The following SECISBP2 variants were observed in gnomAD, a reference collection of about 807,000 sequenced individuals.
SECISBP2 encodes the protein selenocysteine insertion sequence-binding protein 2.
A neutral mutation model predicts 98.2 loss-of-function variants in SECISBP2; 96 were observed. That is an observed-to-expected ratio of 0.98 (90% CI 0.83 to 1.16). SECISBP2 has a LOEUF of 1.16. Ranked by LOEUF, SECISBP2 falls within the 50% of genes most tolerant of loss-of-function variation. The probability of loss-of-function intolerance (pLI) is 0.00; values close to 1 mark genes in which losing one functional copy is unlikely to be tolerated. For synonymous variants in SECISBP2, 407 were observed against 370.2 expected (o/e 1.10, Z -1.14); for missense variants, 1,046 against 1,022.9 (o/e 1.02, Z -0.31).
At chr9:89,344,076 G>A (rs1830079355) in intron 10 of SECISBP2, among the ~76,000 whole-genome samples, 1 of 151,822 alleles carries the variant, frequency 6.6e-6, no homozygotes, top group African/African-American at 2.4e-5. Context: ...ATTAAGTGAT[G>A]TTGAGGTTTT....
downstream of SECISBP2, chr9:89,363,421 GC>G (rs763762551): frequency 3.0e-5 from 48 of 1,611,310 alleles, no homozygotes; most frequent in African/African-American, 6.3e-4. Context: ...CCCGGCTGCG[GC>G]CACTTACCCA....
rs1831177407 is a variant in SECISBP2 at position 89,350,871 on chromosome 9, C to T, written c.2113+19C>T. On this transcript the variant is annotated intron_variant, in intron 14 of 16. Coordinates refer to ENST00000375807, the MANE Select transcript of SECISBP2 (RefSeq NM_024077.5). ...TCAAAAGGTAAAGGCACAGTGTGGT[C>T]CTGTGATATGTGGGCCCCTGCATGA... 1.2e-6 allele frequency: 2 copies of T among 1,605,128 alleles called. No individual in the cohort carries two copies. Among genetic ancestry groups the T allele is most frequent in the South Asian group, 2.2e-5 (2 of 90,826 alleles).
At chr9:89,328,610 A>G (rs1289002281) in intron 4 of SECISBP2, 50 bp from the exon 5 acceptor site, 2 of 1,509,216 alleles carry the variant, frequency 1.3e-6, no homozygotes, top group Admixed American at 1.7e-5. Context: ...CATACTGGTC[A>G]TCAAACAGTA....
chr9:89,343,246 A>G lies in SECISBP2; in HGVS notation c.1435+1767A>G, dbSNP rs186571881. On this transcript the variant is annotated intron_variant, in intron 10 of 16. Transcript: ENST00000375807. ...CGCACAATATGTCATAAAAAGCAAC[A>G]TGAAAATTTTCCACCATAGGCTTTT... is the stretch of plus-strand genomic sequence containing the variant. Among the ~76,000 whole-genome samples, 637 of 152,332 alleles carry G rather than the reference A, an allele frequency of 4.2e-3. 3 individuals are homozygous for G. The highest frequency in any genetic ancestry group is 8.0e-3 in the Non-Finnish European group (542 of 68,028).
At chr9:89,334,817 G>A (rs1036404510) in intron 7 of SECISBP2, 87 bp downstream of exon 7, 3 of 999,582 alleles carry the variant, frequency 3.0e-6, no homozygotes, top group Non-Finnish European at 4.7e-6. Flanking sequence ...TTAATGGGTA[G>A]AGAGTTTCAG....
chr9:89,347,832 CAGAATTG>C (rs890196672), intron 11 of SECISBP2, among the ~76,000 whole-genome samples: 13 of 152,104 alleles, frequency 8.5e-5, no homozygotes, highest in African/African-American at 3.1e-4. Flanking sequence ...TGCTGAGCTG[CAGAATTG>C]TCTTTAGAGC....
At chr9:89,344,644 G>A (rs1262868587) in intron 10 of SECISBP2, among the ~76,000 whole-genome samples, 1 of 151,982 alleles carries the variant, frequency 6.6e-6, no homozygotes, top group Non-Finnish European at 1.5e-5. Context: ...GGTGTTAAAT[G>A]TTTTTAGAGT....
chr9:89,354,623 A>T (rs1482001402), intron 14 of SECISBP2, among the ~76,000 whole-genome samples: 1 of 152,188 alleles, frequency 6.6e-6, no homozygotes, highest in South Asian at 2.1e-4. Flanking sequence ...CACACCATAG[A>T]GGCACAGTGA....
chr9:89,362,910 C>T (rs536758266), downstream of SECISBP2, among the ~76,000 whole-genome samples: 1 of 152,278 alleles, frequency 6.6e-6, no homozygotes, highest in African/African-American at 2.4e-5. Context: ...CGTGGGGAGA[C>T]AGGGAGCCTC....
Position 89,325,515 on chromosome 9 carries a change from G to C in SECISBP2, c.271G>C (p.Ala91Pro), listed in dbSNP as rs529644965. 3 of 1,613,776 alleles carry C rather than the reference G, an allele frequency of 1.9e-6. No individual in the cohort carries two copies. Among genetic ancestry groups the C allele is most frequent in the East Asian group, 2.2e-5 (1 of 44,858 alleles). The part of the protein sequence containing the change: ...LSSEITLHPY[A>P]YSPYTLDSTQ... ...TTCTGAGATAACTCTTCATCCATAT[G>C]CCTATTCTCCTTATACCCTTGACTC... The change falls in exon 3 of 17, where the codon GCC becomes CCC. Residue 91 changes from alanine (A) to proline (P), a missense_variant. By Grantham distance (27) the Ala-to-Pro change is conservative. Transcript: ENST00000375807.
intron 16 of SECISBP2, among the ~76,000 whole-genome samples, chr9:89,358,414 G>T (rs184135267): frequency 6.6e-6 from 1 of 152,230 alleles, no homozygotes; most frequent in East Asian, 1.9e-4. Context: ...TTGACAATGG[G>T]TGGCCTTAAG....
At chr9:89,348,946 A>G (rs959178297) in intron 12 of SECISBP2, among the ~76,000 whole-genome samples, 20 of 152,258 alleles carry the variant, frequency 1.3e-4, no homozygotes, top group African/African-American at 4.3e-4. Flanking sequence ...TTGGGTAATT[A>G]GAAACAGGGT....
downstream of SECISBP2, chr9:89,363,327 T>TG: frequency 4.6e-6 from 7 of 1,513,154 alleles, no homozygotes; most frequent in Non-Finnish European, 6.2e-6. Context: ...AGGGAACAAG[T>TG]GGGGTCCATG....
In SECISBP2 at chr9:89,343,915, A is replaced by G. The variant is rs1000186107; in HGVS notation, c.1435+2436A>G. 4.6e-5 allele frequency among the ~76,000 whole-genome samples: 7 copies of G among 152,162 alleles called. No homozygotes were observed. In the East Asian group the frequency reaches 9.6e-4, roughly 21 times the overall value. ...GTTTTTAGGTCTGCTGAATCACCAC[A>G]CTGCTTTCCACAGCGGTTGAACTAA... is the stretch of plus-strand genomic sequence containing the variant. On this transcript the variant is annotated intron_variant, in intron 10 of 16. Coordinates refer to ENST00000375807, the MANE Select transcript of SECISBP2 (RefSeq NM_024077.5).
chr9:89,363,164 C>T (rs1832978245), downstream of SECISBP2, among the ~76,000 whole-genome samples: 1 of 152,202 alleles, frequency 6.6e-6, no homozygotes, highest in Admixed American at 6.5e-5. Flanking sequence ...TAGACAGCCC[C>T]ACCTGTGAGT....
chr9:89,364,304 C>G (rs946543463), downstream of SECISBP2: 17 of 375,152 alleles, frequency 4.5e-5, no homozygotes, highest in Middle Eastern at 8.5e-4. Flanking sequence ...GGCCCTGCTG[C>G]CACACACATG....
chr9:89,323,335 C>G (rs1159040964), intron 2 of SECISBP2: 1 of 152,232 alleles, frequency 6.6e-6, no homozygotes, highest in Non-Finnish European at 1.5e-5. Context: ...ATAAGAGGTT[C>G]TGACCCAGAA....
chr9:89,366,670 A>C, the SECISBP2 span, among the ~76,000 whole-genome samples: 2 of 152,278 alleles, frequency 1.3e-5, no homozygotes, highest in African/African-American at 4.8e-5. Flanking sequence ...CTAGGTGCCC[A>C]TCAACTGGGG....
intron 7 of SECISBP2, among the ~76,000 whole-genome samples, chr9:89,337,071 G>A (rs1828868969): frequency 6.6e-6 from 1 of 152,072 alleles, no homozygotes; most frequent in Middle Eastern, 3.2e-3. Context: ...GCTGCACCTG[G>A]CCCCCCACTG....
Sources: gnomAD v4.1 joint callset for allele counts (sites outside exome capture counted in the v4.1 genomes callset) on GRCh38, gnomAD v4.1.1 for gene constraint, MANE v1.5 for transcripts, NCBI Gene and HGNC (gene_info 2026-07-23, HGNC 2026-07-21) for gene names.